Variants in CHRM3 observed in about 807,000 individuals in gnomAD.
CHRM3 encodes the protein cholinergic receptor muscarinic 3, also known as muscarinic acetylcholine receptor M3.
Under a neutral mutation model 41.8 loss-of-function variants are expected in CHRM3, and 11 were observed. The ratio of observed to expected loss-of-function variants is 0.26; its 90% CI spans 0.17 to 0.44. CHRM3 has a LOEUF of 0.44. Ranked by LOEUF, CHRM3 falls within the 20% of genes least tolerant of loss-of-function variation. The pLI is 1.00. For missense variants in CHRM3, 571 were observed against 745.4 expected, an observed-to-expected ratio of 0.77 and a Z score of 2.72; for synonymous variants, 297 against 301.4, an observed-to-expected ratio of 0.99 and a Z score of 0.15.
chr1:239,899,006 T>A (rs560409270), intron 6 of CHRM3, among the ~76,000 whole-genome samples: 4 of 152,326 alleles, frequency 2.6e-5, no homozygotes, highest in Middle Eastern at 3.4e-3. Context: ...ATTTTTTGTT[T>A]CACCCTCTTC....
chr1:239,882,536 G>A (rs1420785200), intron 6 of CHRM3, among the ~76,000 whole-genome samples: 1 of 152,070 alleles, frequency 6.6e-6, no homozygotes, highest in Non-Finnish European at 1.5e-5. Context: ...TACCACTTAG[G>A]TACAGAGAGA....
At chr1:239,500,714 C>T (rs527550441) in intron 2 of CHRM3, among the ~76,000 whole-genome samples, 76 of 101,836 alleles carry the variant, frequency 7.5e-4, no homozygotes, top group Middle Eastern at 4.5e-3. Context: ...AAAACACAAA[C>T]AACAACAACA....
intron 5 of CHRM3, among the ~76,000 whole-genome samples, chr1:239,711,568 G>A (rs972038591): frequency 3.3e-5 from 5 of 151,788 alleles, no homozygotes; most frequent in Non-Finnish European, 5.9e-5. Context: ...GGACTTGAGG[G>A]GTCCTGAGGA....
chr1:239,837,588 A>G (rs950118898), intron 6 of CHRM3, among the ~76,000 whole-genome samples: 2 of 152,252 alleles, frequency 1.3e-5, no homozygotes, highest in African/African-American at 4.8e-5. Context: ...TACAGAACTT[A>G]AGGTGAAGCA....
chr1:239,885,736 C>T (rs989115037), intron 6 of CHRM3, among the ~76,000 whole-genome samples: 3 of 152,148 alleles, frequency 2.0e-5, no homozygotes, highest in Admixed American at 1.3e-4. Context: ...TCAACACCTG[C>T]GCTGACCTTC....
At chr1:239,528,117 AT>A (rs1670124364) in intron 2 of CHRM3, among the ~76,000 whole-genome samples, 1 of 152,230 alleles carries the variant, frequency 6.6e-6, no homozygotes, top group South Asian at 2.1e-4. Context: ...GAAAGGTTGC[AT>A]TTAAAGGGAG....
intron 1 of CHRM3, among the ~76,000 whole-genome samples, chr1:239,412,702 T>C (rs978885219): frequency 6.6e-6 from 1 of 152,068 alleles, no homozygotes; most frequent in Non-Finnish European, 1.5e-5. Flanking sequence ...GGAATGGTTT[T>C]ATAGGATAAA....
intron 4 of CHRM3, among the ~76,000 whole-genome samples, chr1:239,656,983 G>T (rs879426459): frequency 1.3e-5 from 2 of 152,120 alleles, no homozygotes; most frequent in Non-Finnish European, 2.9e-5. Context: ...GAAAATAAGG[G>T]TCATTAAAAA....
At chr1:239,758,332 C>T (rs550440527) in intron 5 of CHRM3, among the ~76,000 whole-genome samples, 1 of 152,108 alleles carries the variant, frequency 6.6e-6, no homozygotes, top group Non-Finnish European at 1.5e-5. Flanking sequence ...CAGCATCTTA[C>T]TTGGTGCTTG....
At chr1:239,597,863 T>TTTTC in intron 3 of CHRM3, among the ~76,000 whole-genome samples, 1 of 148,536 alleles carries the variant, frequency 6.7e-6, no homozygotes, top group East Asian at 2.0e-4. Context: ...TCAGAGTTTT[T>TTTTC]TTTTTTTTTT....
At chr1:239,599,902 A>C (rs921795493) in intron 3 of CHRM3, among the ~76,000 whole-genome samples, 2 of 152,156 alleles carry the variant, frequency 1.3e-5, no homozygotes, top group African/African-American at 4.8e-5. Context: ...TATCCTAGTC[A>C]AAAAAATTGT....
intron 3 of CHRM3, among the ~76,000 whole-genome samples, chr1:239,616,536 A>C (rs1667654771): frequency 6.6e-6 from 1 of 152,162 alleles, no homozygotes; most frequent in African/African-American, 2.4e-5. Flanking sequence ...AGCTGTATTC[A>C]CTCAGGACAT....
At chr1:239,405,413 C>T (rs1363332248) in intron 1 of CHRM3, among the ~76,000 whole-genome samples, 4 of 151,998 alleles carry the variant, frequency 2.6e-5, no homozygotes, top group African/African-American at 7.2e-5. Flanking sequence ...TGTGGGTTTA[C>T]GTCTTTGTGA....
chr1:239,779,424 A>G (rs1668345699), intron 5 of CHRM3, among the ~76,000 whole-genome samples: 1 of 152,240 alleles, frequency 6.6e-6, no homozygotes, highest in South Asian at 2.1e-4. Context: ...ATCCACCATT[A>G]TAGTATCATA....
intron 2 of CHRM3, among the ~76,000 whole-genome samples, chr1:239,524,280 G>A (rs982018995): frequency 2.0e-5 from 3 of 152,108 alleles, no homozygotes; most frequent in Non-Finnish European, 4.4e-5. Flanking sequence ...TGTACTGACA[G>A]CATATATTTT....
intron 2 of CHRM3, among the ~76,000 whole-genome samples, chr1:239,501,789 A>T (rs1463056168): frequency 1.3e-5 from 2 of 152,136 alleles, no homozygotes; most frequent in African/African-American, 4.8e-5. Context: ...CAGGAGGTGG[A>T]GCTTGCAGTG....
At chr1:239,887,190 T>A (rs1363424613) in intron 6 of CHRM3, among the ~76,000 whole-genome samples, 2 of 152,024 alleles carry the variant, frequency 1.3e-5, no homozygotes, top group African/African-American at 4.8e-5. Flanking sequence ...AACTCATGAG[T>A]GCTCAAAAAG....
intron 1 of CHRM3, among the ~76,000 whole-genome samples, chr1:239,457,505 CAG>C (rs1212742000): frequency 6.6e-6 from 1 of 152,128 alleles, no homozygotes; most frequent in Non-Finnish European, 1.5e-5. Flanking sequence ...TAAATGAGAT[CAG>C]AGCCCTATAA....
chr1:239,456,865 G>T (rs1388918012), intron 1 of CHRM3, among the ~76,000 whole-genome samples: 1 of 152,196 alleles, frequency 6.6e-6, no homozygotes, highest in Non-Finnish European at 1.5e-5. Flanking sequence ...AACCACTGTG[G>T]CCACTGTACT....
Sources: allele counts gnomAD v4.1 joint callset (sites outside exome capture counted in the v4.1 genomes callset), GRCh38; gene constraint gnomAD v4.1.1; transcripts MANE v1.5; gene names NCBI Gene and HGNC (gene_info 2026-07-23, HGNC 2026-07-21).